The following PRDM16 variants were observed in gnomAD, a reference collection of about 807,000 sequenced individuals.
PRDM16 encodes histone-lysine N-methyltransferase PRDM16.
A neutral mutation model predicts 110.6 loss-of-function variants in PRDM16; 23 were observed. That is an observed-to-expected ratio of 0.21 (90% CI 0.15 to 0.29). The LOEUF (loss-of-function observed/expected upper bound fraction) is 0.29. Ranked by LOEUF, PRDM16 falls within the 10% of genes least tolerant of loss-of-function variation. PRDM16 has a pLI of 1.00. For missense variants in PRDM16, 1,615 were observed against 1,794.3 expected, an observed-to-expected ratio of 0.90 and a Z score of 1.81; for synonymous variants, 799 against 781.8, an observed-to-expected ratio of 1.02 and a Z score of -0.37.
At chr1:3,105,988 T>C (rs1442780499) in intron 1 of PRDM16, among the ~76,000 whole-genome samples, 1 of 150,914 alleles carries the variant, frequency 6.6e-6, no homozygotes, top group Non-Finnish European at 1.5e-5. Context: ...GGACATGTCC[T>C]GAAAGCTCTG....
intron 12 of PRDM16, among the ~76,000 whole-genome samples, chr1:3,418,983 A>G (rs975841165): frequency 3.3e-5 from 5 of 152,074 alleles, no homozygotes; most frequent in Non-Finnish European, 7.4e-5. Context: ...CTGGCTCTCA[A>G]AGATGTGAGG....
chr1:3,088,635 T>G (rs577670799), intron 1 of PRDM16, among the ~76,000 whole-genome samples: 1 of 150,950 alleles, frequency 6.6e-6, no homozygotes, highest in Non-Finnish European at 1.5e-5. Context: ...CTGGCTAATT[T>G]TTTGTATTTT....
chr1:3,302,663 T>C (rs1641231113), intron 3 of PRDM16, among the ~76,000 whole-genome samples: 1 of 152,238 alleles, frequency 6.6e-6, no homozygotes, highest in Non-Finnish European at 1.5e-5. Flanking sequence ...GCAGCCTCTC[T>C]GTGCCTGGGA....
intron 3 of PRDM16, among the ~76,000 whole-genome samples, chr1:3,261,164 C>T (rs970114634): frequency 3.4e-5 from 5 of 148,850 alleles, no homozygotes; most frequent in African/African-American, 1.2e-4. Flanking sequence ...AGAAAGAAAA[C>T]TCTTGAATGT....
rs1644071221 is a variant in PRDM16 at position 3,175,187 on chromosome 1, A to C, written c.38-10938A>C. Among the ~76,000 whole-genome samples, 1 of 152,062 alleles carries C rather than the reference A, an allele frequency of 6.6e-6. No individual in the cohort carries two copies. Among genetic ancestry groups the C allele is most frequent in the Non-Finnish European group, 1.5e-5 (1 of 68,016 alleles). ...TTTAAAGACAGAAGAACAAGATAGA[A>C]CTCCATCAGTTCCCAAGTTTCTCTT... On this transcript the variant is annotated intron_variant, in intron 1 of 16. Coordinates refer to ENST00000270722, the MANE Select transcript of PRDM16 (RefSeq NM_022114.4). This position sits in a 1 kb window ranked among gnomAD's most constrained non-coding sequence, Gnocchi z 4.8.
chr1:3,353,564 G>T lies in PRDM16; in HGVS notation c.439-31588G>T, dbSNP rs1642536346. Among the ~76,000 whole-genome samples the T allele has an allele frequency of 6.6e-6, 1 of 152,168 alleles. No individual in the cohort carries two copies. Among genetic ancestry groups the T allele is most frequent in the African/African-American group, 2.4e-5 (1 of 41,450 alleles). ...GTTACACTCCAGCCAAGTACTGGGGGCCACGGGCTGAGGGCACAGGCCACA... is the reference window on the plus strand; with the variant it reads ...GTTACACTCCAGCCAAGTACTGGGGTCCACGGGCTGAGGGCACAGGCCACA... On this transcript the variant is annotated intron_variant, in intron 3 of 16. Coordinates refer to ENST00000270722, the MANE Select transcript of PRDM16 (RefSeq NM_022114.4). The surrounding 1 kb of genome is among the most constrained non-coding windows in gnomAD (Gnocchi z 5.4).
intron 1 of PRDM16, among the ~76,000 whole-genome samples, chr1:3,172,537 T>C (rs1644037530): frequency 6.6e-6 from 1 of 152,208 alleles, no homozygotes; most frequent in Non-Finnish European, 1.5e-5. Flanking sequence ...AGCTAAAATG[T>C]GGACACACCA....
At chr1:3,187,283 C>T (rs967724415) in intron 2 of PRDM16, among the ~76,000 whole-genome samples, 2 of 152,192 alleles carry the variant, frequency 1.3e-5, no homozygotes, top group African/African-American at 4.8e-5. Context: ...AGCCAATTGT[C>T]GGTGGTATTT....
chr1:3,336,093 C>G (rs1642139818), intron 3 of PRDM16, among the ~76,000 whole-genome samples: 1 of 152,238 alleles, frequency 6.6e-6, no homozygotes, highest in Non-Finnish European at 1.5e-5. Context: ...TGCCTGAGAA[C>G]AGTGAAGATG....
chr1:3,430,953 C>A lies in PRDM16; in HGVS notation c.3366C>A (p.Asp1122Glu). The stretch of plus-strand genomic sequence containing the variant: ...AGCAGGAGGACGTGGAGGAGGAGGA[C>A]GACGATGACCTGGAGGAGGACGATG... ...SEKQEDVEEE[D>E]DDDLEEDDED... is the part of the protein sequence containing the mutation. Residue 1122 changes from aspartate to glutamate, a missense_variant, in exon 15 of 17, where the codon GAC becomes GAA. Asp to Glu is a conservative substitution (Grantham distance 45). This residue lies in a region of PRDM16 where 327 missense variants were observed against 359.3 expected (regional missense o/e 0.91). Coordinates refer to ENST00000270722, the MANE Select transcript of PRDM16 (RefSeq NM_022114.4). The A allele has an allele frequency of 6.2e-7, 1 of 1,613,456 alleles. No homozygotes were observed. Among genetic ancestry groups the A allele is most frequent in the Non-Finnish European group, 8.5e-7 (1 of 1,179,654 alleles).
chr1:3,117,837 G>C (rs911131512), intron 1 of PRDM16, among the ~76,000 whole-genome samples: 4 of 152,092 alleles, frequency 2.6e-5, no homozygotes, highest in Non-Finnish European at 5.9e-5. Flanking sequence ...AGAGGCCTCC[G>C]CACATTCATG....
chr1:3,139,394 C>T (rs539046085), intron 1 of PRDM16, among the ~76,000 whole-genome samples: 6 of 152,388 alleles, frequency 3.9e-5, no homozygotes, highest in East Asian at 1.9e-4. Context: ...TAACGAATCA[C>T]GTGCCCCTTG....
intron 3 of PRDM16, among the ~76,000 whole-genome samples, chr1:3,311,878 G>T (rs973720833): frequency 2.0e-5 from 3 of 152,196 alleles, no homozygotes; most frequent in Non-Finnish European, 4.4e-5. Flanking sequence ...TGGGTCCAGA[G>T]GGGCTGCAAA....
At chr1:3,313,067 G>A (rs1290020452) in intron 3 of PRDM16, among the ~76,000 whole-genome samples, 3 of 152,230 alleles carry the variant, frequency 2.0e-5, no homozygotes, top group East Asian at 1.9e-4. Flanking sequence ...CACAGGCACC[G>A]TGTCCCAAGG....
intron 1 of PRDM16, among the ~76,000 whole-genome samples, chr1:3,170,603 C>A (rs1644014736): frequency 6.6e-6 from 1 of 152,156 alleles, no homozygotes; most frequent in African/African-American, 2.4e-5. Flanking sequence ...CCTCAAAGGC[C>A]TCAGCCTCCG....
chr1:3,216,504 G>A (rs1035904078), intron 2 of PRDM16, among the ~76,000 whole-genome samples: 8 of 152,238 alleles, frequency 5.3e-5, no homozygotes, highest in African/African-American at 1.9e-4. Context: ...CCCAGGTCTG[G>A]TGGGTTGGTG....
At chr1:3,140,351 C>T (rs74050130) in intron 1 of PRDM16, among the ~76,000 whole-genome samples, 3,463 of 152,250 alleles carry the variant, frequency 0.023, 117 homozygotes, top group African/African-American at 0.07. Flanking sequence ...GATGTGGCTA[C>T]GGGGGTCTCA....
intron 1 of PRDM16, among the ~76,000 whole-genome samples, chr1:3,099,079 C>T (rs979764313): frequency 9.9e-5 from 15 of 152,272 alleles, no homozygotes; most frequent in South Asian, 2.1e-4. Context: ...CGTGTGGGAG[C>T]GCTGAGAAGC....
intron 1 of PRDM16, among the ~76,000 whole-genome samples, chr1:3,109,910 C>A (rs1356581713): frequency 1.3e-5 from 2 of 152,262 alleles, no homozygotes; most frequent in Admixed American, 1.3e-4. Context: ...ACAGCAGCTC[C>A]TCCATGTCCT....
Sources: gnomAD v4.1 joint callset for allele counts (sites outside exome capture counted in the v4.1 genomes callset) on GRCh38, gnomAD v4.1.1 for gene constraint, gnomAD v4.1.1 regional missense constraint, Gnocchi (gnomAD v3.1) non-coding constraint, MANE v1.5 for transcripts, NCBI Gene and HGNC (gene_info 2026-07-23, HGNC 2026-07-21) for gene names.